EML4: variants seen among roughly 807,000 people sequenced by gnomAD.
EML4 encodes echinoderm microtubule-associated protein-like 4.
Under a neutral mutation model 129.0 loss-of-function variants are expected in EML4, and 72 were observed. The ratio of observed to expected loss-of-function variants is 0.56; its 90% CI spans 0.46 to 0.68. The LOEUF (loss-of-function observed/expected upper bound fraction) is 0.68, where lower values mean the gene tolerates loss of function less well. Among genes scored for constraint, EML4 ranks in the 30% least tolerant of loss-of-function variants. The probability of loss-of-function intolerance (pLI) is 0.00; values close to 1 mark genes in which losing one functional copy is unlikely to be tolerated. For missense variants in EML4, 1,363 were observed against 1,190.6 expected (o/e 1.14, Z -2.13); for synonymous variants, 532 against 405.0 (o/e 1.31, Z -3.77).
intron 3 of EML4, among the ~76,000 whole-genome samples, chr2:42,258,375 C>CT (rs940913811): frequency 6.8e-5 from 10 of 147,730 alleles, no homozygotes; most frequent in Non-Finnish European, 1.5e-4. Context: ...AATTGTATTT[C>CT]TTTTTTTATT....
At chr2:42,268,137 G>A (rs928011685) in intron 6 of EML4, among the ~76,000 whole-genome samples, 2 of 152,026 alleles carry the variant, frequency 1.3e-5, no homozygotes, top group Non-Finnish European at 2.9e-5. Flanking sequence ...CCATATCTGC[G>A]GATTTCACAT....
intron 17 of EML4, among the ~76,000 whole-genome samples, chr2:42,312,831 G>T (rs1227669705): frequency 6.6e-6 from 1 of 151,886 alleles, no homozygotes; most frequent in Non-Finnish European, 1.5e-5. Flanking sequence ...GGGATTACAG[G>T]CATGAGCCAC....
intron 1 of EML4, among the ~76,000 whole-genome samples, chr2:42,198,349 G>T (rs924635744): frequency 3.3e-5 from 5 of 152,092 alleles, no homozygotes; most frequent in African/African-American, 1.2e-4. Context: ...AAAGTAATAG[G>T]GGAGACACTC....
intron 6 of EML4, among the ~76,000 whole-genome samples, chr2:42,267,992 T>C (rs1194042858): frequency 6.6e-6 from 1 of 152,206 alleles, no homozygotes; most frequent in East Asian, 1.9e-4. Context: ...CCAAGCTAAG[T>C]TGGGGGACTT....
intron 6 of EML4, among the ~76,000 whole-genome samples, chr2:42,270,234 C>A (rs776978535): frequency 2.0e-4 from 31 of 152,142 alleles, no homozygotes; most frequent in Non-Finnish European, 1.3e-4. Context: ...CCCCACAATA[C>A]CTTCACTAAC....
chr2:42,172,913 T>C (rs1296063409), intron 1 of EML4, among the ~76,000 whole-genome samples: 6 of 152,236 alleles, frequency 3.9e-5, no homozygotes, highest in Non-Finnish European at 5.9e-5. Context: ...ATCTTGGAAT[T>C]AACCTAGAGA....
At chr2:42,221,731 G>A (rs1450207397) in intron 1 of EML4, among the ~76,000 whole-genome samples, 1 of 151,952 alleles carries the variant, frequency 6.6e-6, no homozygotes, top group Non-Finnish European at 1.5e-5. Context: ...AGCCTCCTCG[G>A]TAGCTGGGAT....
chr2:42,206,309 G>T (rs1282369489), intron 1 of EML4, among the ~76,000 whole-genome samples: 1 of 152,088 alleles, frequency 6.6e-6, no homozygotes, highest in Non-Finnish European at 1.5e-5. Flanking sequence ...ACATTCCTGG[G>T]CTCAAGTGAT....
At chr2:42,242,438 C>G (rs1364045155) in intron 1 of EML4, among the ~76,000 whole-genome samples, 3 of 152,138 alleles carry the variant, frequency 2.0e-5, no homozygotes, top group African/African-American at 7.2e-5. Flanking sequence ...GCCAAGGCTT[C>G]AGAGAGTATA....
chr2:42,331,285 A>G lies in EML4; in HGVS notation c.*1078A>G, dbSNP rs1477504688. ...ACAGTCACAGCAGTTTTTTTTACCA[A>G]CAGCATACTTAACAGACTTGCTGTG... On this transcript the variant is annotated 3_prime_UTR_variant, in exon 23 of 23. Transcript: ENST00000318522. 4.5e-6 allele frequency: 1 copy of G among 223,774 alleles called. No homozygotes were observed. Among genetic ancestry groups the G allele is most frequent in the Non-Finnish European group, 8.9e-6 (1 of 111,932 alleles). 13.9% of individuals were successfully genotyped at this position (223,774 alleles called of 1,614,324 possible).
chr2:42,237,079 C>T (rs1674726591), intron 1 of EML4, among the ~76,000 whole-genome samples: 1 of 152,110 alleles, frequency 6.6e-6, no homozygotes, highest in Admixed American at 6.5e-5. Context: ...GCTGGGACTA[C>T]AGGTGTGCCA....
At chr2:42,186,218 C>A (rs570679543) in intron 1 of EML4, among the ~76,000 whole-genome samples, 1 of 151,968 alleles carries the variant, frequency 6.6e-6, no homozygotes, top group South Asian at 2.1e-4. Context: ...AATACATAGC[C>A]AAAATAAGGA....
chr2:42,311,750 AG>A (rs1323246108), intron 17 of EML4, among the ~76,000 whole-genome samples: 1 of 119,258 alleles, frequency 8.4e-6, no homozygotes, highest in East Asian at 2.9e-4. Flanking sequence ...AGAATTTCAG[AG>A]GGATACTCAT....
chr2:42,213,422 G>A (rs1046428461), intron 1 of EML4, among the ~76,000 whole-genome samples: 1 of 152,190 alleles, frequency 6.6e-6, no homozygotes, highest in African/African-American at 2.4e-5. Flanking sequence ...GCTATGTGGA[G>A]TTTTATGAAT....
intron 17 of EML4, among the ~76,000 whole-genome samples, chr2:42,312,346 C>T (rs1669006854): frequency 6.6e-6 from 1 of 152,076 alleles, no homozygotes; most frequent in Non-Finnish European, 1.5e-5. Flanking sequence ...AAGGGAAGGT[C>T]ATGCCTCGTT....
Position 42,325,517 on chromosome 2 carries a change from TATA to T in EML4, c.2208_2210del (p.Ile736del). The T allele has an allele frequency of 6.4e-7, 1 of 1,574,096 alleles. No individual in the cohort carries two copies. The highest frequency in any genetic ancestry group is 8.7e-7 in the Non-Finnish European group (1 of 1,151,230). ...TTGACTGGTCCCCAGACAACAAGTA[TATA>T]ATGTCTAACTCGGGAGACTATGAAA... On this transcript the variant is annotated inframe_deletion, in exon 20 of 23. Transcript: ENST00000318522.
rs149172074 is a variant in EML4 at position 42,189,296 on chromosome 2, C to T, written c.25+19660C>T. Among the ~76,000 whole-genome samples the T allele has an allele frequency of 9.8e-4, 149 of 152,192 alleles. 2 individuals are homozygous for T. The East Asian group carries it at 0.022, about 23-fold the overall frequency. ...TTTCCTCTTTAATTTTAAATCTGTC[C>T]ATGTCTCCTATCCCACTACCAAGGG... On this transcript the variant is annotated intron_variant, in intron 1 of 22. Coordinates refer to ENST00000318522, the MANE Select transcript of EML4 (RefSeq NM_019063.5).
At chr2:42,272,828 C>T (rs13430031) in intron 6 of EML4, among the ~76,000 whole-genome samples, 20,750 of 152,040 alleles carry the variant, frequency 0.14, 1,415 homozygotes, top group East Asian at 0.17. Context: ...CTTTTTTCTT[C>T]GCTGAAAATA....
At position 42,317,482 on chromosome 2, in the gene EML4, C is replaced by G; in HGVS notation, c.2112C>G (p.Val704=). The change falls in exon 19 of 23, where the codon GTC becomes GTG. Residue 704 remains valine (V), a synonymous_variant. Coordinates refer to ENST00000318522, the MANE Select transcript of EML4 (RefSeq NM_019063.5). ...SHDNFIYLYV[V]SENGRKYSRY... ...ACAACTTTATTTACCTCTATGTAGT[C>G]TCTGAAAATGGAAGAAAATATAGCA... 1 of 1,612,530 alleles carries G rather than the reference C, an allele frequency of 6.2e-7. No homozygotes were observed. Among genetic ancestry groups the G allele is most frequent in the Admixed American group, 1.7e-5 (1 of 59,860 alleles).
Sources: gnomAD v4.1 joint callset for allele counts (sites outside exome capture counted in the v4.1 genomes callset) on GRCh38, gnomAD v4.1.1 for gene constraint, MANE v1.5 for transcripts, NCBI Gene and HGNC (gene_info 2026-07-23, HGNC 2026-07-21) for gene names.